GRIN2B: variants seen among roughly 807,000 people sequenced by gnomAD.
The protein encoded by GRIN2B is glutamate ionotropic receptor NMDA type subunit 2B, also known as glutamate receptor ionotropic, NMDA 2B.
GRIN2B carries 5 observed loss-of-function variants against 114.5 expected under a neutral mutation model. That is an observed-to-expected ratio of 0.04 (90% CI 0.02 to 0.09). GRIN2B has a LOEUF of 0.09. Among genes scored for constraint, GRIN2B ranks in the 10% least tolerant of loss-of-function variants. The pLI is 1.00. For synonymous variants in GRIN2B, 787 were observed against 745.1 expected (o/e 1.06, Z -0.92); for missense variants, 1,108 against 1,943.5 (o/e 0.57, Z 8.08).
intron 2 of GRIN2B, among the ~76,000 whole-genome samples, chr12:13,937,001 C>T (rs1217124673): frequency 6.8e-6 from 1 of 147,424 alleles, no homozygotes; most frequent in East Asian, 2.0e-4. Flanking sequence ...TATTCTTATT[C>T]TTTTATTTTT....
chr12:13,605,551 T>TCTCTCTCTCACA, intron 10 of GRIN2B, among the ~76,000 whole-genome samples: 16 of 30,468 alleles, frequency 5.3e-4, no homozygotes, highest in Non-Finnish European at 6.6e-4. Flanking sequence ...TCTCTCTCTC[T>TCTCTCTCTCACA]GACACACACA....
chr12:13,698,830 G>T (rs139801975), intron 4 of GRIN2B, among the ~76,000 whole-genome samples: 1,668 of 152,072 alleles, frequency 0.011, 32 homozygotes, highest in African/African-American at 0.039. Flanking sequence ...CTACAGGCGC[G>T]CACCACCATG....
intron 5 of GRIN2B, among the ~76,000 whole-genome samples, chr12:13,671,967 A>T (rs75285401): frequency 0.034 from 5,121 of 152,210 alleles, 130 homozygotes; most frequent in Middle Eastern, 0.092. Flanking sequence ...CTACTGTTAG[A>T]CAGTGTGACG....
At chr12:13,798,239 A>G (rs889575403) in intron 3 of GRIN2B, among the ~76,000 whole-genome samples, 8 of 151,910 alleles carry the variant, frequency 5.3e-5, no homozygotes, top group Non-Finnish European at 1.0e-4. Flanking sequence ...TTATTTAAAA[A>G]TGAACATATG....
intron 3 of GRIN2B, among the ~76,000 whole-genome samples, chr12:13,835,461 TC>T (rs777979977): frequency 5.0e-4 from 76 of 152,050 alleles, no homozygotes; most frequent in Non-Finnish European, 8.7e-4. Flanking sequence ...CTCTTGCCAT[TC>T]ACAAAAGGGT....
rs868498971 is a variant in GRIN2B at position 13,621,624 on chromosome 12, T to G, written c.1126-4967A>C. Among the ~76,000 whole-genome samples the G allele has an allele frequency of 1.3e-3, 181 of 143,788 alleles. 3 individuals are homozygous for G. In the Middle Eastern group the frequency reaches 0.014, roughly 11 times the overall value. 94.3% of individuals were successfully genotyped at this position (143,788 alleles called of 152,430 possible). The stretch of plus-strand genomic sequence containing the variant: ...ATTGCCTAGTTTTTGTTTTTTTTTT[T>G]TTTTTTTTTTTTTTTTCAGAAAAAC... On this transcript the variant is annotated intron_variant, in intron 5 of 13. Transcript: ENST00000609686.
At chr12:13,611,929 T>C in intron 8 of GRIN2B, 79 bp from the exon 9 acceptor site, 10 of 1,454,680 alleles carry the variant, frequency 6.9e-6, no homozygotes, top group African/African-American at 1.4e-5. Flanking sequence ...ATTCATTTCA[T>C]ATTTTAGGGG....
intron 1 of GRIN2B, among the ~76,000 whole-genome samples, chr12:13,980,938 T>TCACACTCACCCCCGCG (rs533057295): frequency 7.9e-5 from 12 of 151,818 alleles, no homozygotes; most frequent in South Asian, 2.1e-4. Context: ...CCGCGCGCAC[T>TCACACTCACCCCCGCG]CACACTCACC....
intron 5 of GRIN2B, among the ~76,000 whole-genome samples, chr12:13,662,291 T>C (rs1949932388): frequency 6.6e-6 from 1 of 152,160 alleles, no homozygotes; most frequent in South Asian, 2.1e-4. Flanking sequence ...AGTGGGCCTG[T>C]AGCCTCAACA....
At chr12:13,844,255 G>A (rs1319728593) in intron 3 of GRIN2B, among the ~76,000 whole-genome samples, 1 of 152,138 alleles carries the variant, frequency 6.6e-6, no homozygotes, top group African/African-American at 2.4e-5. Context: ...CTAAACTGAG[G>A]TTTAATCCTT....
chr12:13,647,173 A>G (rs1050068390), intron 5 of GRIN2B, among the ~76,000 whole-genome samples: 1 of 152,116 alleles, frequency 6.6e-6, no homozygotes, highest in South Asian at 2.1e-4. Flanking sequence ...CTTGACCCCC[A>G]GAAACTGTGA....
At chr12:13,805,770 T>C (rs1030736177) in intron 3 of GRIN2B, among the ~76,000 whole-genome samples, 1 of 152,156 alleles carries the variant, frequency 6.6e-6, no homozygotes, top group Non-Finnish European at 1.5e-5. Context: ...CTCTTAACAA[T>C]TTTCAAGTAT....
intron 2 of GRIN2B, among the ~76,000 whole-genome samples, chr12:13,951,245 C>T: frequency 6.6e-6 from 1 of 152,000 alleles, no homozygotes; most frequent in Non-Finnish European, 1.5e-5. Context: ...AATCTGACAA[C>T]CCTAGATATA....
intron 3 of GRIN2B, among the ~76,000 whole-genome samples, chr12:13,835,852 C>A (rs1468783865): frequency 1.3e-5 from 2 of 149,340 alleles, no homozygotes; most frequent in African/African-American, 2.5e-5. Flanking sequence ...GCCATGGCAA[C>A]TCTGAATCTC....
chr12:13,639,431 T>C (rs1467248631), intron 5 of GRIN2B, among the ~76,000 whole-genome samples: 7 of 152,160 alleles, frequency 4.6e-5, no homozygotes, highest in Admixed American at 6.5e-5. Flanking sequence ...CCTGTGTTAA[T>C]AGCTTTTTCA....
chr12:13,882,122 A>T (rs1464775700), intron 2 of GRIN2B, among the ~76,000 whole-genome samples: 1 of 152,244 alleles, frequency 6.6e-6, no homozygotes, highest in Admixed American at 6.5e-5. Context: ...TGAAGAAATA[A>T]CGCAGAGATA....
chr12:13,932,986 T>TGTGTGTGTGTGTGTGTGC (rs61241187), intron 2 of GRIN2B, among the ~76,000 whole-genome samples: 63 of 148,408 alleles, frequency 4.2e-4, no homozygotes, highest in Non-Finnish European at 7.9e-4. Flanking sequence ...TGTGTGTGTG[T>TGTGTGTGTGTGTGTGTGC]GCGTGTGCGT....
rs75757784 is a variant in GRIN2B at position 13,663,484 on chromosome 12, A to G, written c.1125+12261T>C. 7.2e-5 allele frequency among the ~76,000 whole-genome samples: 11 copies of G among 152,322 alleles called. No individual in the cohort carries two copies. In the East Asian group the frequency reaches 1.9e-3, roughly 27 times the overall value. ...CTTAATGTGTTTTGGTTGTAATTTA[A>G]TGGTTACTGAGAACCCACAATGTGC... is the stretch of plus-strand genomic sequence containing the variant. On this transcript the variant is annotated intron_variant, in intron 5 of 13. Transcript: ENST00000609686.
chr12:13,851,047 A>T (rs570270538), intron 3 of GRIN2B, among the ~76,000 whole-genome samples: 2 of 152,200 alleles, frequency 1.3e-5, no homozygotes, highest in Non-Finnish European at 2.9e-5. Flanking sequence ...AAGGGGTAAT[A>T]AAATGAAGCT....
Sources: allele counts gnomAD v4.1 joint callset (sites outside exome capture counted in the v4.1 genomes callset), GRCh38; gene constraint gnomAD v4.1.1; transcripts MANE v1.5; gene names NCBI Gene and HGNC (gene_info 2026-07-23, HGNC 2026-07-21).